The following ACSS3 variants were observed in gnomAD, a reference collection of about 807,000 sequenced individuals.
ACSS3 encodes acyl-CoA synthetase short-chain family member 3, mitochondrial.
ACSS3 carries 64 observed loss-of-function variants against 84.2 expected under a neutral mutation model. That is an observed-to-expected ratio of 0.76 (90% CI 0.62 to 0.94). The LOEUF (loss-of-function observed/expected upper bound fraction) is 0.94. ACSS3 is among the 40% of genes least tolerant of loss of function. The pLI is 0.00. For missense variants in ACSS3, 815 were observed against 867.6 expected, an observed-to-expected ratio of 0.94 and a Z score of 0.76; for synonymous variants, 317 against 310.1, an observed-to-expected ratio of 1.02 and a Z score of -0.23.
intron 7 of ACSS3, among the ~76,000 whole-genome samples, chr12:81,161,891 G>A (rs1160903203): frequency 1.3e-5 from 2 of 152,186 alleles, no homozygotes; most frequent in African/African-American, 2.4e-5. Flanking sequence ...GAGCCACTAC[G>A]GACCTGTGTC....
chr12:81,095,128 T>C (rs1308686879), intron 1 of ACSS3, among the ~76,000 whole-genome samples: 1 of 152,204 alleles, frequency 6.6e-6, no homozygotes, highest in Non-Finnish European at 1.5e-5. Flanking sequence ...AGTTACCCAC[T>C]TGTGGCCCTG....
At chr12:81,123,487 T>C (rs955458917) in intron 2 of ACSS3, among the ~76,000 whole-genome samples, 5 of 152,180 alleles carry the variant, frequency 3.3e-5, no homozygotes, top group African/African-American at 1.2e-4. Flanking sequence ...CAGGTTTTTT[T>C]TGAACTTTTA....
chr12:81,165,753 C>T (rs1024961935), intron 7 of ACSS3, among the ~76,000 whole-genome samples: 2 of 152,140 alleles, frequency 1.3e-5, no homozygotes, highest in African/African-American at 4.8e-5. Context: ...TTGTAAACTA[C>T]ATGGTGTCAT....
intron 9 of ACSS3, among the ~76,000 whole-genome samples, chr12:81,211,371 T>G (rs1055506032): frequency 6.6e-6 from 1 of 152,156 alleles, no homozygotes; most frequent in Non-Finnish European, 1.5e-5. Context: ...TCACATCATG[T>G]CAAAATGGGT....
At chr12:81,160,986 A>T (rs904862754) in intron 7 of ACSS3, among the ~76,000 whole-genome samples, 6 of 152,226 alleles carry the variant, frequency 3.9e-5, no homozygotes, top group Non-Finnish European at 7.3e-5. Flanking sequence ...AATTCCCACG[A>T]TATAATAGTG....
intron 2 of ACSS3, chr12:81,125,482 T>A (rs930270443): frequency 2.0e-5 from 3 of 152,218 alleles, no homozygotes; most frequent in Non-Finnish European, 4.4e-5. Flanking sequence ...CTGCCAGTCT[T>A]CACTTAACTT....
chr12:81,245,419 G>A (rs1053368631), intron 13 of ACSS3, among the ~76,000 whole-genome samples: 5 of 152,178 alleles, frequency 3.3e-5, no homozygotes, highest in South Asian at 2.1e-4. Context: ...CTGAGATCGC[G>A]CCACTGCACT....
intron 2 of ACSS3, among the ~76,000 whole-genome samples, chr12:81,120,138 T>A (rs1884452923): frequency 6.6e-6 from 1 of 152,184 alleles, no homozygotes; most frequent in African/African-American, 2.4e-5. Flanking sequence ...GCAGAAGATT[T>A]ATCCAAGAGG....
At chr12:81,136,934 C>G (rs1885833708) in intron 3 of ACSS3, among the ~76,000 whole-genome samples, 1 of 152,052 alleles carries the variant, frequency 6.6e-6, no homozygotes, top group Admixed American at 6.6e-5. Context: ...AGGTGCTTAT[C>G]AGAGCAAGAG....
intron 8 of ACSS3, among the ~76,000 whole-genome samples, chr12:81,185,935 T>C (rs2031230779): frequency 6.6e-6 from 1 of 151,808 alleles, no homozygotes; most frequent in South Asian, 2.1e-4. Context: ...GTTGGAGGCA[T>C]CACACTTCCT....
intron 11 of ACSS3, among the ~76,000 whole-genome samples, chr12:81,223,428 C>T (rs549380527): frequency 6.6e-6 from 1 of 152,042 alleles, no homozygotes; most frequent in Non-Finnish European, 1.5e-5. Flanking sequence ...GCCAAGGAAG[C>T]TTTCTTTTCA....
intron 13 of ACSS3, among the ~76,000 whole-genome samples, chr12:81,243,512 T>C (rs911502197): frequency 3.3e-5 from 5 of 150,936 alleles, no homozygotes; most frequent in African/African-American, 1.2e-4. Flanking sequence ...AAAACTACTT[T>C]AAAGTTCATA....
At chr12:81,184,412 T>G (rs2031130006) in intron 8 of ACSS3, among the ~76,000 whole-genome samples, 4 of 151,564 alleles carry the variant, frequency 2.6e-5, no homozygotes, top group South Asian at 2.1e-4. Flanking sequence ...TAACCAAAAA[T>G]TAGCTGATGG....
chr12:81,121,562 G>A (rs1458164215), intron 2 of ACSS3, among the ~76,000 whole-genome samples: 1 of 151,774 alleles, frequency 6.6e-6, no homozygotes, highest in Non-Finnish European at 1.5e-5. Context: ...TCTTTTTACA[G>A]CTTAGTACAT....
chr12:81,250,790 G>A (rs1003757662), intron 13 of ACSS3, among the ~76,000 whole-genome samples: 2 of 152,098 alleles, frequency 1.3e-5, no homozygotes, highest in South Asian at 4.1e-4. Flanking sequence ...AAAAAGAGAT[G>A]TTCTTCACTC....
At chr12:81,090,938 C>T (rs1311174964) in intron 1 of ACSS3, among the ~76,000 whole-genome samples, 1 of 152,084 alleles carries the variant, frequency 6.6e-6, no homozygotes, top group Non-Finnish European at 1.5e-5. Context: ...AACCTATGCA[C>T]ATGCTCCCAT....
In ACSS3 at chr12:81,099,837, A is replaced by C. The variant is rs1882361931; in HGVS notation, c.312-9723A>C. On this transcript the variant is annotated intron_variant, in intron 1 of 15. Coordinates refer to ENST00000548058, the MANE Select transcript of ACSS3 (RefSeq NM_024560.4). ...GGATGGAAATTGGCAGTGATGAAAA[A>C]ATTGATGGGAAGAGAAGAATCATGT... is the stretch of plus-strand genomic sequence containing the variant. 3.9e-5 allele frequency among the ~76,000 whole-genome samples: 6 copies of C among 152,164 alleles called. No individual in the cohort carries two copies. In the South Asian group the frequency reaches 1.2e-3, roughly 31 times the overall value.
chr12:81,188,696 G>C (rs544393557), intron 8 of ACSS3, among the ~76,000 whole-genome samples: 196 of 152,038 alleles, frequency 1.3e-3, no homozygotes, highest in African/African-American at 4.4e-3. Flanking sequence ...GCGTCAAAGT[G>C]GTTCTTGCAT....
intron 13 of ACSS3, among the ~76,000 whole-genome samples, chr12:81,247,175 G>A (rs2034009263): frequency 6.6e-6 from 1 of 152,046 alleles, no homozygotes; most frequent in Admixed American, 6.5e-5. Flanking sequence ...GTCTTTTGGT[G>A]TGTTGGCAAA....
Sources: allele counts gnomAD v4.1 joint callset (sites outside exome capture counted in the v4.1 genomes callset), GRCh38; gene constraint gnomAD v4.1.1; transcripts MANE v1.5; gene names NCBI Gene and HGNC (gene_info 2026-07-23, HGNC 2026-07-21).